LAMA3: variants seen among roughly 807,000 people sequenced by gnomAD.
LAMA3 encodes the protein laminin subunit alpha-3.
A neutral mutation model predicts 402.0 loss-of-function variants in LAMA3; 281 were observed. The ratio of observed to expected loss-of-function variants is 0.70; its 90% CI spans 0.63 to 0.77. The LOEUF (loss-of-function observed/expected upper bound fraction) is 0.77, where lower values mean the gene tolerates loss of function less well. Ranked by LOEUF, LAMA3 falls within the 30% of genes least tolerant of loss-of-function variation. The pLI is 0.00. For synonymous variants in LAMA3, 1,431 were observed against 1,558.4 expected (o/e 0.92, Z 1.93); for missense variants, 3,840 against 4,215.5 (o/e 0.91, Z 2.47).
In LAMA3 at chr18:23,824,471, C is replaced by T. The variant is rs749908448; in HGVS notation, c.2477C>T (p.Ala826Val). The T allele has an allele frequency of 1.5e-5, 25 of 1,614,072 alleles. No homozygotes were observed. The South Asian group carries it at 2.7e-4, about 18-fold the overall frequency. ...ATCTTCCTGCCGAGTAAGGAGCCAG[C>T]CTTTGTCACTGTCCCTGGAAATGGT... ...EIIFLPSKEP[A>V]FVTVPGNGFA... Residue 826 changes from alanine to valine, a missense_variant, in exon 21 of 75, where the codon GCC becomes GTC. By Grantham distance (64) the Ala-to-Val change is moderately conservative. This residue lies in a region of LAMA3 where 2,109 missense variants were observed against 2,376.0 expected (regional missense o/e 0.89). Coordinates refer to ENST00000313654, the MANE Select transcript of LAMA3 (RefSeq NM_198129.4).
chr18:23,843,418 C>T (rs536442398), intron 29 of LAMA3, among the ~76,000 whole-genome samples: 2 of 152,192 alleles, frequency 1.3e-5, no homozygotes, highest in South Asian at 4.1e-4. Flanking sequence ...TGCTGACCCC[C>T]CTTCTCTAGC....
chr18:23,886,342 A>G (rs141580540), intron 41 of LAMA3, among the ~76,000 whole-genome samples: 9 of 152,316 alleles, frequency 5.9e-5, no homozygotes, highest in Non-Finnish European at 1.3e-4. Context: ...TATTTTAAAT[A>G]TTTGCTAATT....
chr18:23,888,721 T>A (rs2080528285), intron 41 of LAMA3, among the ~76,000 whole-genome samples: 1 of 152,230 alleles, frequency 6.6e-6, no homozygotes, highest in Non-Finnish European at 1.5e-5. Flanking sequence ...TAACGTGTAT[T>A]GGAATTGCCT....
At chr18:23,930,996 A>C (rs2082145681) in intron 64 of LAMA3, 66 bp from the exon 65 acceptor site, 2 of 1,417,208 alleles carry the variant, frequency 1.4e-6, no homozygotes, top group Non-Finnish European at 2.0e-6. Context: ...TGATAAATTC[A>C]GTAAAGATAC....
At chr18:23,702,807 C>T (rs1340952711) in intron 1 of LAMA3, among the ~76,000 whole-genome samples, 2 of 152,204 alleles carry the variant, frequency 1.3e-5, no homozygotes, top group Non-Finnish European at 2.9e-5. Flanking sequence ...TGTCTCTTGT[C>T]TTCCCTTCTC....
chr18:23,924,109 G>A (rs2081931189), intron 62 of LAMA3, among the ~76,000 whole-genome samples: 1 of 152,008 alleles, frequency 6.6e-6, no homozygotes, highest in Non-Finnish European at 1.5e-5. Context: ...CCCACCCCCA[G>A]AATTCTGGGG....
chr18:23,778,761 G>A (rs1462348740), intron 11 of LAMA3, among the ~76,000 whole-genome samples: 2 of 152,230 alleles, frequency 1.3e-5, no homozygotes, highest in African/African-American at 4.8e-5. Context: ...TGCCAGTCAT[G>A]TGTGAGCACG....
chr18:23,903,910 C>G, intron 49 of LAMA3, 23 bp from the exon 50 acceptor site: 1 of 1,587,140 alleles, frequency 6.3e-7, no homozygotes, highest in Non-Finnish European at 8.6e-7. Flanking sequence ...TTTATACTGT[C>G]TTTGTTTATT....
intron 67 of LAMA3, 148 bp downstream of exon 67, chr18:23,934,083 A>G: frequency 1.2e-6 from 1 of 822,116 alleles, no homozygotes; most frequent in Non-Finnish European, 2.1e-6. Flanking sequence ...TCACACCAAA[A>G]TGTCAAAATG....
At chr18:23,737,975 C>T (rs547901540) in intron 2 of LAMA3, among the ~76,000 whole-genome samples, 3 of 152,246 alleles carry the variant, frequency 2.0e-5, no homozygotes, top group East Asian at 3.9e-4. Context: ...GTTTGGGTCA[C>T]GCTGAGCTGG....
chr18:23,792,471 TA>T (rs1207379366), intron 12 of LAMA3, among the ~76,000 whole-genome samples: 5 of 152,290 alleles, frequency 3.3e-5, no homozygotes, highest in Admixed American at 3.3e-4. Context: ...TCACGGTAAC[TA>T]ATCCGAGGGC....
At chr18:23,822,744 C>T (rs1291121954) in intron 20 of LAMA3, among the ~76,000 whole-genome samples, 1 of 152,230 alleles carries the variant, frequency 6.6e-6, no homozygotes, top group East Asian at 1.9e-4. Context: ...GCCCTAAATT[C>T]TTCCATTGTT....
chr18:23,951,823 C>T lies in LAMA3; in HGVS notation c.9736+46C>T, dbSNP rs746703434. ...TTGTTCATGCACTAAAACAGGCCCC[C>T]TTTCCATTTTGACTTGAACATCCCA... is the stretch of plus-strand genomic sequence containing the variant. On this transcript the variant is annotated intron_variant, in intron 73 of 74. Transcript: ENST00000313654. The T allele has an allele frequency of 1.4e-5, 20 of 1,447,834 alleles. No homozygotes were observed. In the East Asian group the frequency reaches 1.8e-4, roughly 13 times the overall value. The allele number at this position is 1,447,834 out of a possible 1,614,324, so 89.7% of individuals were successfully genotyped here.
In LAMA3 at chr18:23,871,448, C is replaced by T. The variant is rs575388127; in HGVS notation, c.4785C>T (p.Ala1595=). The change falls in exon 38 of 75, where the codon GCC becomes GCT. Residue 1595 remains alanine, a synonymous_variant. Transcript: ENST00000313654. ...VHVVEGNFRH[A]SSRAPVSREE... ...ATGTGTAGGGAAACTTCAGACATGCCAGCAGCCGTGCCCCAGTGTCTAGGG... is the reference window on the plus strand; with the variant it reads ...ATGTGTAGGGAAACTTCAGACATGCTAGCAGCCGTGCCCCAGTGTCTAGGG... 1.9e-6 allele frequency: 3 copies of T among 1,613,880 alleles called. No individual in the cohort carries two copies. The highest frequency in any genetic ancestry group is 1.1e-5 in the South Asian group (1 of 91,058).
At position 23,784,044 on chromosome 18, in the gene LAMA3, G is replaced by T. The variant is rs1237916054; in HGVS notation, c.1490G>T (p.Gly497Val). The change falls in exon 12 of 75, where the codon GGT becomes GTT. Residue 497 changes from glycine (G) to valine (V), a missense_variant. Around this residue, in one of 3 missense-constraint regions of LAMA3, gnomAD observed 2,109 missense variants for 2,376.0 expected, o/e 0.89. Coordinates refer to ENST00000313654, the MANE Select transcript of LAMA3 (RefSeq NM_198129.4). Reference protein sequence around the residue: ...DIKGCDCNLEGVLPEICDAHG... With the variant: ...DIKGCDCNLEVVLPEICDAHG... ...GCAGGGTGTGACTGTAATCTGGAAG[G>T]TGTTCTCCCTGAAATATGTGATGCC... is the stretch of plus-strand genomic sequence containing the variant. The T allele has an allele frequency of 2.5e-6, 4 of 1,614,094 alleles. No individual in the cohort carries two copies. The South Asian group carries it at 4.4e-5, about 18-fold the overall frequency.
chr18:23,873,187 C>T (rs780094876), intron 38 of LAMA3: 1 of 1,614,152 alleles, frequency 6.2e-7, no homozygotes, highest in South Asian at 1.1e-5. Flanking sequence ...CAACTGCAAG[C>T]GAGTTATGTG....
At chr18:23,793,342 G>A (rs1211293526) in intron 12 of LAMA3, among the ~76,000 whole-genome samples, 1 of 152,060 alleles carries the variant, frequency 6.6e-6, no homozygotes, top group Non-Finnish European at 1.5e-5. Flanking sequence ...GGGAGGGGCA[G>A]TCCCTCCAGG....
At chr18:23,898,279 C>A in intron 44 of LAMA3, 1 of 171,704 alleles carries the variant, frequency 5.8e-6, no homozygotes, top group East Asian at 1.6e-4. Context: ...CAATATGAGG[C>A]TGTTCAGCTA....
At position 23,915,278 on chromosome 18, in the gene LAMA3, T is replaced by G; in HGVS notation, c.7645-11T>G. ...GTTCAATTGGTGGAAGATGTTTTAT[T>G]TCATTTTCAGCTTCCCAGTCGACTA... On this transcript the variant is annotated splice_polypyrimidine_tract_variant and intron_variant, in intron 58 of 74. Coordinates refer to ENST00000313654, the MANE Select transcript of LAMA3 (RefSeq NM_198129.4). 1 of 1,612,970 alleles carries G rather than the reference T, an allele frequency of 6.2e-7. No individual in the cohort carries two copies. Among genetic ancestry groups the G allele is most frequent in the Non-Finnish European group, 8.5e-7 (1 of 1,179,522 alleles).
Sources: allele counts gnomAD v4.1 joint callset (sites outside exome capture counted in the v4.1 genomes callset), GRCh38; gene constraint gnomAD v4.1.1; regional missense constraint gnomAD v4.1.1; transcripts MANE v1.5; gene names NCBI Gene and HGNC (gene_info 2026-07-23, HGNC 2026-07-21).